The following SREBF2 variants were observed in gnomAD, a reference collection of about 807,000 sequenced individuals.
SREBF2 encodes sterol regulatory element binding transcription factor 2, also known as sterol regulatory element-binding protein 2.
Under a neutral mutation model 113.1 loss-of-function variants are expected in SREBF2, and 55 were observed. The ratio of observed to expected loss-of-function variants is 0.49; its 90% CI spans 0.39 to 0.61. The LOEUF is 0.61. SREBF2 is among the 20% of genes least tolerant of loss of function. SREBF2 has a pLI of 0.00. For synonymous variants in SREBF2, 593 were observed against 605.7 expected (o/e 0.98, Z 0.31); for missense variants, 1,349 against 1,487.4 (o/e 0.91, Z 1.53).
rs2076727689 is a variant in SREBF2 at position 41,833,162 on chromosome 22, G to T, written c.-109G>T. Reference sequence around the variant, plus strand: ...ATGGCGGCGGGTGGCACCCGTCGGTGAGGCGGTGCCGGGCGGGGGTTGTCG... The same window carrying T: ...ATGGCGGCGGGTGGCACCCGTCGGTTAGGCGGTGCCGGGCGGGGGTTGTCG... On this transcript the variant is annotated 5_prime_UTR_variant, in exon 1 of 19. An upstream open reading frame in the 5' UTR loses its in-frame stop. Transcript: ENST00000361204. The surrounding 1 kb of genome is among the most constrained non-coding windows in gnomAD (Gnocchi z 4.1). 1.2e-6 allele frequency: 1 copy of T among 805,766 alleles called. No homozygotes were observed. The highest frequency in any genetic ancestry group is 1.8e-6 in the Non-Finnish European group (1 of 559,224). 49.9% of individuals were successfully genotyped at this position (805,766 alleles called of 1,614,324 possible).
chr22:41,852,325 G>T (rs1214733547), intron 1 of SREBF2, among the ~76,000 whole-genome samples: 4 of 152,038 alleles, frequency 2.6e-5, no homozygotes, highest in Non-Finnish European at 4.4e-5. Context: ...TTAAGTAACT[G>T]AGTCTCAAGG....
At chr22:41,868,971 T>C (rs1020420775) in intron 3 of SREBF2, among the ~76,000 whole-genome samples, 179 bp downstream of exon 3, 19 of 152,218 alleles carry the variant, frequency 1.2e-4, no homozygotes, top group African/African-American at 3.9e-4. Context: ...TATCTGTAGA[T>C]AGACACTGGC....
At chr22:41,854,396 A>T (rs1378361314) in intron 1 of SREBF2, among the ~76,000 whole-genome samples, 2 of 150,966 alleles carry the variant, frequency 1.3e-5, no homozygotes, top group Non-Finnish European at 3.0e-5. Context: ...TCCTGACCTC[A>T]GGTGATCCAC....
chr22:41,846,870 C>G (rs992219543), intron 1 of SREBF2, among the ~76,000 whole-genome samples: 1 of 152,100 alleles, frequency 6.6e-6, no homozygotes, highest in Non-Finnish European at 1.5e-5. Flanking sequence ...TTGCCCTTGT[C>G]GCAGTTTATG....
rs1212128284 is a variant in SREBF2 at position 41,833,928 on chromosome 22, G to C, written c.88+570G>C. 1 of 152,778 alleles carries C rather than the reference G, an allele frequency of 6.5e-6. No individual in the cohort carries two copies. Among genetic ancestry groups the C allele is most frequent in the Non-Finnish European group, 1.5e-5 (1 of 68,114 alleles). The allele number at this position is 152,778 out of a possible 1,614,324, so 9.5% of individuals were successfully genotyped here. ...TGCTGATGAAGAGAGCAGTGGCGGCGGAGTGTGGACACATCTCTCCGGGAT... is the reference window on the plus strand; with the variant it reads ...TGCTGATGAAGAGAGCAGTGGCGGCCGAGTGTGGACACATCTCTCCGGGAT... On this transcript the variant is annotated intron_variant, in intron 1 of 18. Transcript: ENST00000361204. The surrounding 1 kb of genome is among the most constrained non-coding windows in gnomAD (Gnocchi z 4.1).
intron 1 of SREBF2, among the ~76,000 whole-genome samples, chr22:41,851,291 C>G (rs920767603): frequency 6.6e-6 from 1 of 151,820 alleles, no homozygotes; most frequent in African/African-American, 2.4e-5. Flanking sequence ...ATAGTGCAAC[C>G]ACTGGCTTTT....
At chr22:41,896,286 CCTT>C in intron 13 of SREBF2, among the ~76,000 whole-genome samples, 1 of 152,188 alleles carries the variant, frequency 6.6e-6, no homozygotes, top group South Asian at 2.1e-4. Flanking sequence ...TGAGCACAGT[CCTT>C]CTTTCACAGA....
intron 1 of SREBF2, among the ~76,000 whole-genome samples, chr22:41,854,539 T>C (rs1383257462): frequency 6.6e-6 from 1 of 151,898 alleles, no homozygotes; most frequent in Non-Finnish European, 1.5e-5. Context: ...CATGCACTCA[T>C]AGAACACAAG....
At chr22:41,896,239 G>A (rs1224865769) in intron 13 of SREBF2, among the ~76,000 whole-genome samples, 1 of 152,268 alleles carries the variant, frequency 6.6e-6, no homozygotes, top group East Asian at 1.9e-4. Context: ...GCCCCTCATG[G>A]AATGTGCCGG....
Position 41,868,607 on chromosome 22 carries a change from C to T in SREBF2, c.539-4C>T. 1 of 1,614,196 alleles carries T rather than the reference C, an allele frequency of 6.2e-7. No homozygotes were observed. The highest frequency in any genetic ancestry group is 8.5e-7 in the Non-Finnish European group (1 of 1,180,032). On this transcript the variant is annotated splice_polypyrimidine_tract_variant and splice_region_variant and intron_variant, in intron 2 of 18. Transcript: ENST00000361204. Reference sequence around the variant, plus strand: ...CTGTGCCTTCTTTCTCCTCTTCTCCCAAGTCCTTCAGCCTCAAGTCCAAAG... The same window carrying T: ...CTGTGCCTTCTTTCTCCTCTTCTCCTAAGTCCTTCAGCCTCAAGTCCAAAG...
At chr22:41,895,990 A>G (rs1370897711) in intron 13 of SREBF2, among the ~76,000 whole-genome samples, 1 of 151,876 alleles carries the variant, frequency 6.6e-6, no homozygotes, top group Non-Finnish European at 1.5e-5. Context: ...AAATACAAAA[A>G]ATTAGCCAGG....
chr22:41,896,251 C>G (rs918414693), intron 13 of SREBF2, among the ~76,000 whole-genome samples: 18 of 152,170 alleles, frequency 1.2e-4, no homozygotes, highest in African/African-American at 4.3e-4. Context: ...ATGTGCCGGG[C>G]AATTTTTCTC....
chr22:41,870,003 G>A (rs1404514162), intron 3 of SREBF2, among the ~76,000 whole-genome samples: 1 of 151,796 alleles, frequency 6.6e-6, no homozygotes, highest in Non-Finnish European at 1.5e-5. Flanking sequence ...TTCCAGGCAC[G>A]CGCCATCACG....
chr22:41,847,344 T>C (rs887769475), intron 1 of SREBF2, among the ~76,000 whole-genome samples: 2 of 152,198 alleles, frequency 1.3e-5, no homozygotes, highest in South Asian at 2.1e-4. Context: ...GATCAGTTCC[T>C]TGGAGTCTCA....
intron 15 of SREBF2, 151 bp downstream of exon 15, chr22:41,898,932 C>T (rs2077440322): frequency 1.8e-6 from 2 of 1,120,530 alleles, no homozygotes; most frequent in Non-Finnish European, 1.3e-6. Context: ...GGTGAGGGCA[C>T]CATGGAGAAC....
intron 1 of SREBF2, among the ~76,000 whole-genome samples, chr22:41,837,577 T>TTG (rs1011996168): frequency 1.1e-5 from 1 of 91,240 alleles, no homozygotes; most frequent in African/African-American, 4.4e-5. Flanking sequence ...AAAAAAAAAA[T>TTG]GCTGGACACG....
chr22:41,884,240 ATTC>A (rs1045323722), intron 10 of SREBF2, among the ~76,000 whole-genome samples: 20 of 152,268 alleles, frequency 1.3e-4, no homozygotes, highest in African/African-American at 4.8e-4. Context: ...GGCTCAAGCA[ATTC>A]TTCTGCCTCA....
rs1039455420 is a variant in SREBF2 at position 41,884,706 on chromosome 22, A to G, written c.2039-136A>G. The G allele has an allele frequency of 5.7e-6, 5 of 883,746 alleles. No homozygotes were observed. In the Admixed American group the frequency reaches 9.7e-5, roughly 17 times the overall value. 54.7% of individuals were successfully genotyped at this position (883,746 alleles called of 1,614,324 possible). ...ACAGAGCCTGGCATCCCATCCTGTG[A>G]TCAGGCCTGTCTGATCACAAAGTTC... On this transcript the variant is annotated intron_variant, in intron 10 of 18. Coordinates refer to ENST00000361204, the MANE Select transcript of SREBF2 (RefSeq NM_004599.4).
rs145703964 is a variant in SREBF2, at chr22:41,897,108, T to G, written c.2552T>G (p.Val851Gly). 164 of 1,612,822 alleles carry G rather than the reference T, an allele frequency of 1.0e-4. No homozygotes were observed. Among genetic ancestry groups the G allele is most frequent in the East Asian group, 5.8e-4 (26 of 44,872 alleles). Residue 851 changes from valine (V) to glycine (G), a missense_variant, in exon 14 of 19, where the codon GTG becomes GGG. Coordinates refer to ENST00000361204, the MANE Select transcript of SREBF2 (RefSeq NM_004599.4). ...TTACTTCATTCTTTTGTGGACTCTG[T>G]GGGGGTTATGAGCCCCCCACTCTCC... is the stretch of plus-strand genomic sequence containing the variant. ...LKLLHSFVDS[V>G]GVMSPPLSRS...
Sources: gnomAD v4.1 joint callset for allele counts (sites outside exome capture counted in the v4.1 genomes callset) on GRCh38, gnomAD v4.1.1 for gene constraint, Gnocchi (gnomAD v3.1) non-coding constraint, MANE v1.5 for transcripts, NCBI Gene and HGNC (gene_info 2026-07-23, HGNC 2026-07-21) for gene names.